Variants in COQ5 observed in about 807,000 individuals in gnomAD.
COQ5 encodes 2-methoxy-6-polyprenyl-1,4-benzoquinol methylase, mitochondrial.
Under a neutral mutation model 40.5 loss-of-function variants are expected in COQ5, and 27 were observed. The ratio of observed to expected loss-of-function variants is 0.67; its 90% confidence interval spans 0.49 to 0.92. COQ5 has a LOEUF of 0.92. Among genes scored for constraint, COQ5 ranks in the 40% least tolerant of loss-of-function variants. COQ5 has a pLI of 0.00. For synonymous variants in COQ5, 141 were observed against 150.0 expected (o/e 0.94, Z 0.44); for missense variants, 409 against 406.4 (o/e 1.01, Z -0.06).
Position 120,524,507 on chromosome 12 carries a change from G to A in COQ5, c.203-2144C>T, listed in dbSNP as rs188570676. Among the ~76,000 whole-genome samples, 467 of 152,132 alleles carry A rather than the reference G, an allele frequency of 3.1e-3. 2 individuals carry two copies. The highest frequency in any genetic ancestry group is 5.4e-3 in the Non-Finnish European group (370 of 68,000). Reference sequence around the variant, plus strand: ...GATCTCCTGACCTCGTGATCCGCCCGCCTCGGCCTCCCAAAGTGCTAGGAT... The same window carrying A: ...GATCTCCTGACCTCGTGATCCGCCCACCTCGGCCTCCCAAAGTGCTAGGAT... On this transcript the variant is annotated intron_variant, in intron 1 of 6. Coordinates refer to ENST00000288532, the MANE Select transcript of COQ5 (RefSeq NM_032314.4).
intron 4 of COQ5, among the ~76,000 whole-genome samples, chr12:120,506,948 C>T (rs956364257): frequency 6.6e-5 from 10 of 152,036 alleles, no homozygotes; most frequent in Admixed American, 1.3e-4. Flanking sequence ...ATTCTCCTGT[C>T]TCAGCCTCCC....
chr12:120,528,887 A>C, intron 1 of COQ5, 53 bp downstream of exon 1: 1 of 1,528,206 alleles, frequency 6.5e-7, no homozygotes, highest in Non-Finnish European at 9.1e-7. Context: ...GGCCAGAAGA[A>C]ACCAGACCAT....
At chr12:120,513,367 C>T (rs1221978621) in intron 3 of COQ5, among the ~76,000 whole-genome samples, 1 of 150,794 alleles carries the variant, frequency 6.6e-6, no homozygotes, top group Non-Finnish European at 1.5e-5. Flanking sequence ...CCGGGCGTGG[C>T]GGCATGTGCC....
Position 120,508,491 on chromosome 12 carries a change from T to G in COQ5, c.681+1526A>C, listed in dbSNP as rs927266887. ...GTCAGTAAACAAATGATCGAATCCATGCAAAAATTACAAATAAGGATGTCA... is the reference window on the plus strand; with the variant it reads ...GTCAGTAAACAAATGATCGAATCCAGGCAAAAATTACAAATAAGGATGTCA... On this transcript the variant is annotated intron_variant, in intron 4 of 6. Coordinates refer to ENST00000288532, the MANE Select transcript of COQ5 (RefSeq NM_032314.4). Among the ~76,000 whole-genome samples the G allele has an allele frequency of 3.9e-5, 6 of 152,194 alleles. No homozygotes were observed. The East Asian group carries it at 1.2e-3, about 29-fold the overall frequency.
intron 1 of COQ5, among the ~76,000 whole-genome samples, chr12:120,528,080 T>C (rs1259634715): frequency 6.9e-6 from 1 of 144,476 alleles, no homozygotes; most frequent in East Asian, 2.1e-4. Context: ...CAGATGCCTG[T>C]AATCCCAGCT....
At chr12:120,509,658 A>G (rs995409751) in intron 4 of COQ5, among the ~76,000 whole-genome samples, 1 of 152,134 alleles carries the variant, frequency 6.6e-6, no homozygotes, top group Non-Finnish European at 1.5e-5. Flanking sequence ...CAATTTTGTG[A>G]CTAGAAAATT....
intron 1 of COQ5, chr12:120,523,885 C>A: frequency 2.5e-6 from 1 of 396,832 alleles, no homozygotes; most frequent in Non-Finnish European, 5.1e-6. Context: ...TTGTGCACAC[C>A]TGTAATCCCA....
At chr12:120,514,468 C>T (rs975198178) in intron 3 of COQ5, among the ~76,000 whole-genome samples, 1 of 152,030 alleles carries the variant, frequency 6.6e-6, no homozygotes, top group African/African-American at 2.4e-5. Context: ...GGGCTGGGCG[C>T]AGTGGCTCAC....
intron 1 of COQ5, chr12:120,522,958 G>A (rs1593024372): frequency 1.7e-6 from 1 of 605,638 alleles, no homozygotes; most frequent in South Asian, 2.5e-5. Flanking sequence ...ATCTTTTTTA[G>A]GCCTTTCTTG....
chr12:120,510,884 T>C (rs1869101134), intron 3 of COQ5, among the ~76,000 whole-genome samples: 1 of 152,058 alleles, frequency 6.6e-6, no homozygotes, highest in Non-Finnish European at 1.5e-5. Context: ...GCGAATTAGA[T>C]GTAAAATACA....
At chr12:120,520,527 T>C (rs973318321) in intron 2 of COQ5, among the ~76,000 whole-genome samples, 1 of 152,104 alleles carries the variant, frequency 6.6e-6, no homozygotes, top group African/African-American at 2.4e-5. Flanking sequence ...GGTTTCACCA[T>C]GTTGGCCAGG....
Position 120,522,544 on chromosome 12 carries a change from T to G in COQ5, c.203-181A>C, listed in dbSNP as rs967623810. ...ATTACCTCTTTATTGATTTATTTTT[T>G]TTTCCTGCCTCAGATTTATTTGTAC... On this transcript the variant is annotated intron_variant, in intron 1 of 6. Transcript: ENST00000288532. 4 of 658,924 alleles carry G rather than the reference T, an allele frequency of 6.1e-6. No homozygotes were observed. In the Admixed American group the frequency reaches 1.0e-4, roughly 17 times the overall value. 40.8% of individuals were successfully genotyped at this position (658,924 alleles called of 1,614,324 possible). A position where few individuals can be genotyped will look rare whatever the true frequency, so the allele number is the denominator to read the frequency against.
Position 120,518,639 on chromosome 12 carries a change from A to T in COQ5, c.353-1851T>A, listed in dbSNP as rs545277647. Among the ~76,000 whole-genome samples, 34 of 150,506 alleles carry T rather than the reference A, an allele frequency of 2.3e-4. No homozygotes were observed. The East Asian group carries it at 5.5e-3, about 24-fold the overall frequency. On this transcript the variant is annotated intron_variant, in intron 2 of 6. Transcript: ENST00000288532. ...GAGTGCAGTAGCACGATCTCAGCTC[A>T]CTGCAACCTCCGCTTCCCAGGTTAA... is the stretch of plus-strand genomic sequence containing the variant.
chr12:120,513,972 C>T (rs534029637), intron 3 of COQ5, among the ~76,000 whole-genome samples: 1 of 152,286 alleles, frequency 6.6e-6, no homozygotes, highest in African/African-American at 2.4e-5. Flanking sequence ...ATAATTCCTA[C>T]ACAGATGCAT....
At chr12:120,516,492 C>A (rs1869376945) in intron 3 of COQ5, 75 bp downstream of exon 3, 6 of 1,253,520 alleles carry the variant, frequency 4.8e-6, no homozygotes, top group Admixed American at 1.7e-5. Context: ...TAAAGCATTT[C>A]AATATTTTAC....
intron 3 of COQ5, among the ~76,000 whole-genome samples, chr12:120,512,210 AAAAAT>A (rs565767722): frequency 4.6e-5 from 7 of 152,232 alleles, no homozygotes; most frequent in African/African-American, 9.6e-5. Flanking sequence ...ACTCCGTCTC[AAAAAT>A]AAAATAAAAT....
chr12:120,511,999 C>T (rs1010908043), intron 3 of COQ5, among the ~76,000 whole-genome samples: 25 of 151,974 alleles, frequency 1.6e-4, no homozygotes, highest in African/African-American at 5.8e-4. Flanking sequence ...ATCATGAGGT[C>T]AGGAGTTCAA....
At chr12:120,522,045 T>C (rs777332945) in intron 2 of COQ5, among the ~76,000 whole-genome samples, 169 bp downstream of exon 2, 3 of 152,174 alleles carry the variant, frequency 2.0e-5, no homozygotes, top group Admixed American at 6.6e-5. Flanking sequence ...ATGCTTTTGA[T>C]TGATATTCAG....
At chr12:120,518,355 G>A (rs979848365) in intron 2 of COQ5, among the ~76,000 whole-genome samples, 1 of 151,360 alleles carries the variant, frequency 6.6e-6, no homozygotes, top group African/African-American at 2.4e-5. Context: ...TTGAGGCCTG[G>A]GGGGTGGAGG....
Sources: gnomAD v4.1 joint callset for allele counts (sites outside exome capture counted in the v4.1 genomes callset) on GRCh38, gnomAD v4.1.1 for gene constraint, MANE v1.5 for transcripts, NCBI Gene and HGNC (gene_info 2026-07-23, HGNC 2026-07-21) for gene names.